Variants in R3HDM1 observed in about 807,000 individuals in gnomAD.
The protein encoded by R3HDM1 is R3H domain containing 1, also known as R3H domain-containing protein 1.
In R3HDM1, 46 loss-of-function variants were observed where a neutral mutation model predicts 141.1. That is an observed-to-expected ratio of 0.33 (90% CI 0.26 to 0.42). The LOEUF is 0.42. Among genes scored for constraint, R3HDM1 ranks in the 10% least tolerant of loss-of-function variants. The pLI is 1.00. For missense variants in R3HDM1, 1,184 were observed against 1,368.3 expected (o/e 0.87, Z 2.12); for synonymous variants, 435 against 472.9 (o/e 0.92, Z 1.04).
At chr2:135,681,350 T>G (rs1255624068) in intron 21 of R3HDM1, among the ~76,000 whole-genome samples, 2 of 152,234 alleles carry the variant, frequency 1.3e-5, no homozygotes, top group African/African-American at 4.8e-5. Flanking sequence ...AAAACAAATC[T>G]CAAATCCGCC....
intron 1 of R3HDM1, among the ~76,000 whole-genome samples, chr2:135,541,429 T>A (rs955554297): frequency 6.6e-6 from 1 of 152,070 alleles, no homozygotes; most frequent in Admixed American, 6.6e-5. Flanking sequence ...AGGATGGTCT[T>A]GATCTCCTGA....
chr2:135,661,165 T>C (rs2066654051), intron 18 of R3HDM1, 105 bp from the exon 19 acceptor site: 2 of 1,340,248 alleles, frequency 1.5e-6, no homozygotes, highest in African/African-American at 1.5e-5. Context: ...TTCCAATGAT[T>C]AGTGCTAAAA....
intron 15 of R3HDM1, among the ~76,000 whole-genome samples, chr2:135,644,782 G>A (rs931749887): frequency 1.3e-5 from 2 of 151,968 alleles, no homozygotes; most frequent in African/African-American, 2.4e-5. Flanking sequence ...AATGTGTTTC[G>A]CAATTCAGAG....
chr2:135,596,625 C>T (rs769815699), intron 1 of R3HDM1, among the ~76,000 whole-genome samples: 3 of 152,062 alleles, frequency 2.0e-5, no homozygotes, highest in Admixed American at 6.6e-5. Flanking sequence ...TTTTTATATA[C>T]GTTACATTTT....
At chr2:135,567,143 G>A (rs935817482) in intron 1 of R3HDM1, among the ~76,000 whole-genome samples, 7 of 152,114 alleles carry the variant, frequency 4.6e-5, no homozygotes, top group Non-Finnish European at 8.8e-5. Flanking sequence ...ATACAGATGA[G>A]TGTATGAATT....
chr2:135,572,337 CAT>C (rs1704322091), intron 1 of R3HDM1, among the ~76,000 whole-genome samples: 1 of 152,210 alleles, frequency 6.6e-6, no homozygotes, highest in Non-Finnish European at 1.5e-5. Flanking sequence ...AGTAAAGACA[CAT>C]AACCCAATTT....
intron 1 of R3HDM1, among the ~76,000 whole-genome samples, chr2:135,578,646 A>G (rs1391687126): frequency 2.0e-5 from 3 of 152,252 alleles, no homozygotes; most frequent in Non-Finnish European, 4.4e-5. Context: ...TGGGGAAGAA[A>G]AGAACTAAGT....
chr2:135,533,707 G>A (rs961831968), intron 1 of R3HDM1, among the ~76,000 whole-genome samples: 1 of 152,130 alleles, frequency 6.6e-6, no homozygotes, highest in African/African-American at 2.4e-5. Context: ...GAGAAACCCC[G>A]TCTCTACTGA....
At chr2:135,611,702 T>C (rs919490736) in intron 3 of R3HDM1, among the ~76,000 whole-genome samples, 4 of 152,336 alleles carry the variant, frequency 2.6e-5, no homozygotes, top group Non-Finnish European at 2.9e-5. Context: ...TTAAAACTTA[T>C]GATACATTTT....
chr2:135,533,410 A>AGTACTT (rs1477602915), intron 1 of R3HDM1, among the ~76,000 whole-genome samples: 1 of 152,268 alleles, frequency 6.6e-6, no homozygotes, highest in Non-Finnish European at 1.5e-5. Flanking sequence ...TAAATTATAC[A>AGTACTT]ATCGATACTT....
At chr2:135,550,585 G>T (rs1236585393) in intron 1 of R3HDM1, among the ~76,000 whole-genome samples, 1 of 152,150 alleles carries the variant, frequency 6.6e-6, no homozygotes, top group Non-Finnish European at 1.5e-5. Context: ...GGGGTAATTG[G>T]TGTTCTTGTT....
At chr2:135,647,447 A>T (rs2064596508) in intron 16 of R3HDM1, among the ~76,000 whole-genome samples, 1 of 152,178 alleles carries the variant, frequency 6.6e-6, no homozygotes, top group South Asian at 2.1e-4. Context: ...GTGATTATAT[A>T]TTTCAGATTA....
intron 19 of R3HDM1, among the ~76,000 whole-genome samples, chr2:135,674,192 T>C (rs776442785): frequency 2.6e-5 from 4 of 152,250 alleles, no homozygotes; most frequent in Non-Finnish European, 5.9e-5. Flanking sequence ...AGCAGAATTA[T>C]TAAGGCTACC....
chr2:135,582,328 C>CAAAT (rs995613897), intron 1 of R3HDM1, among the ~76,000 whole-genome samples: 3 of 151,940 alleles, frequency 2.0e-5, no homozygotes, highest in Non-Finnish European at 2.9e-5. Context: ...AAGACTGTCT[C>CAAAT]AAATAAATAA....
intron 1 of R3HDM1, among the ~76,000 whole-genome samples, chr2:135,574,027 G>GA (rs1704772964): frequency 1.3e-5 from 2 of 151,992 alleles, no homozygotes; most frequent in African/African-American, 4.8e-5. Context: ...GATAAAAGCA[G>GA]AAATTAATGA....
chr2:135,557,247 T>C (rs1700955125), intron 1 of R3HDM1, among the ~76,000 whole-genome samples: 1 of 152,220 alleles, frequency 6.6e-6, no homozygotes, highest in African/African-American at 2.4e-5. Flanking sequence ...ATTGCTCTTT[T>C]TTTCCTCTAC....
chr2:135,569,506 A>G (rs928179020), intron 1 of R3HDM1, among the ~76,000 whole-genome samples: 2 of 152,030 alleles, frequency 1.3e-5, no homozygotes, highest in Admixed American at 1.3e-4. Flanking sequence ...TCATAATCAC[A>G]GAGAAATAGG....
intron 21 of R3HDM1, among the ~76,000 whole-genome samples, chr2:135,685,077 A>C (rs1275718888): frequency 2.0e-5 from 3 of 152,120 alleles, no homozygotes; most frequent in Admixed American, 6.5e-5. Flanking sequence ...TTTTTTTCAT[A>C]ATAATGTATC....
chr2:135,622,645 GT>G lies in R3HDM1; in HGVS notation c.419-3del. 1.3e-6 allele frequency: 2 copies of G among 1,589,138 alleles called. No homozygotes were observed. Among genetic ancestry groups the G allele is most frequent in the Non-Finnish European group, 1.7e-6 (2 of 1,167,694 alleles). On this transcript the variant is annotated splice_region_variant and splice_polypyrimidine_tract_variant and intron_variant, in intron 6 of 26. Transcript: ENST00000683871. Reference sequence around the variant, plus strand: ...CTTTATACTGGGTTTTTGTGTTGTTGTTTTTTAGATTCCAGTCAAGAATACA... The same window carrying G: ...CTTTATACTGGGTTTTTGTGTTGTTGTTTTTAGATTCCAGTCAAGAATACA...
Sources: gnomAD v4.1 joint callset for allele counts (sites outside exome capture counted in the v4.1 genomes callset) on GRCh38, gnomAD v4.1.1 for gene constraint, MANE v1.5 for transcripts, NCBI Gene and HGNC (gene_info 2026-07-23, HGNC 2026-07-21) for gene names.